The following ANO3 variants were observed in gnomAD, a reference collection of about 807,000 sequenced individuals.
ANO3 encodes anoctamin-3.
Under a neutral mutation model 144.8 loss-of-function variants are expected in ANO3, and 99 were observed. That is an observed-to-expected ratio of 0.68 (90% CI 0.58 to 0.81). The LOEUF (loss-of-function observed/expected upper bound fraction) is 0.81. ANO3 is among the 30% of genes least tolerant of loss of function. ANO3 has a pLI of 0.00. For missense variants in ANO3, 905 were observed against 1,202.2 expected (o/e 0.75, Z 3.66); for synonymous variants, 414 against 392.6 (o/e 1.05, Z -0.64).
intron 24 of ANO3, among the ~76,000 whole-genome samples, chr11:26,652,817 G>A (rs1318620481): frequency 1.3e-5 from 2 of 152,208 alleles, no homozygotes; most frequent in East Asian, 1.9e-4. Flanking sequence ...CCATGGCTCC[G>A]TTGAGATGTC....
chr11:26,330,370 T>A (rs1050516063), upstream of ANO3, among the ~76,000 whole-genome samples: 1 of 152,176 alleles, frequency 6.6e-6, no homozygotes, highest in Non-Finnish European at 1.5e-5. Flanking sequence ...ACGGAGACAG[T>A]CTCTGAACTG....
At chr11:26,461,665 A>C (rs1859399848) in intron 3 of ANO3, among the ~76,000 whole-genome samples, 1 of 152,074 alleles carries the variant, frequency 6.6e-6, no homozygotes, top group African/African-American at 2.4e-5. Flanking sequence ...AACTTACCTA[A>C]ATATGGGGGA....
intron 18 of ANO3, among the ~76,000 whole-genome samples, chr11:26,626,018 AT>A (rs1180759207): frequency 2.0e-5 from 3 of 152,150 alleles, no homozygotes; most frequent in Admixed American, 6.5e-5. Flanking sequence ...GCCCCTTTGA[AT>A]TTTGAAGGAG....
At chr11:26,264,117 G>A (rs1299316805) in intron 1 of ANO3, among the ~76,000 whole-genome samples, 1 of 152,204 alleles carries the variant, frequency 6.6e-6, no homozygotes, top group Non-Finnish European at 1.5e-5. Flanking sequence ...CATGTGGGCT[G>A]AAGTGGTAAG....
chr11:26,536,539 A>C (rs181599059), intron 9 of ANO3, among the ~76,000 whole-genome samples: 146 of 152,086 alleles, frequency 9.6e-4, no homozygotes, highest in Non-Finnish European at 1.5e-3. Context: ...ATATATATGT[A>C]TATAAATTTA....
At chr11:26,424,076 T>C (rs1857841722) in intron 1 of ANO3, among the ~76,000 whole-genome samples, 2 of 152,090 alleles carry the variant, frequency 1.3e-5, no homozygotes, top group South Asian at 4.1e-4. Context: ...AATTAAGTAA[T>C]TAACCTCCCA....
chr11:26,273,415 A>G (rs1306373483), intron 1 of ANO3, among the ~76,000 whole-genome samples: 1 of 151,952 alleles, frequency 6.6e-6, no homozygotes. Context: ...AGAATTGTCA[A>G]TGCCATGAAA....
At chr11:26,644,279 A>T (rs140404315) in intron 23 of ANO3, among the ~76,000 whole-genome samples, 1 of 152,240 alleles carries the variant, frequency 6.6e-6, no homozygotes, top group Non-Finnish European at 1.5e-5. Context: ...ATACCTTTCC[A>T]TGTTAATAGA....
At chr11:26,263,638 G>A (rs969663085) in intron 1 of ANO3, among the ~76,000 whole-genome samples, 12 of 152,274 alleles carry the variant, frequency 7.9e-5, no homozygotes, top group Middle Eastern at 3.4e-3. Context: ...CCTGACTAAG[G>A]ACTACCTAAG....
At chr11:26,462,994 T>C (rs766348863) in intron 3 of ANO3, 36 bp from the exon 4 acceptor site, 31 of 1,118,954 alleles carry the variant, frequency 2.8e-5, no homozygotes, top group Middle Eastern at 2.1e-4. Flanking sequence ...AGAAAAACTA[T>C]AGAAATGGAT....
intron 20 of ANO3, 75 bp from the exon 21 acceptor site, chr11:26,639,069 C>A (rs1380474851): frequency 1.0e-6 from 1 of 996,976 alleles, no homozygotes; most frequent in South Asian, 1.4e-5. Context: ...ATTTGCTGTA[C>A]AATTTAATGG....
chr11:26,260,502 AAG>A lies in ANO3; in HGVS notation c.155-49139_155-49138del, dbSNP rs565699320. Among the ~76,000 whole-genome samples, 603 of 152,284 alleles carry A rather than the reference AAG, an allele frequency of 4.0e-3. 2 individuals carry two copies. Among genetic ancestry groups the A allele is most frequent in the African/African-American group, 0.014 (572 of 41,538 alleles). ...ACAATAAGCGAACAGAATCTCAAGAAAGAGATATCACCGCATGGAACAGTCCT... is the reference window on the plus strand; with the variant it reads ...ACAATAAGCGAACAGAATCTCAAGAAAGATATCACCGCATGGAACAGTCCT... On this transcript the variant is annotated intron_variant, in intron 1 of 27. Transcript: ENST00000672621.
At chr11:26,543,428 G>A (rs1426873914) in intron 11 of ANO3, among the ~76,000 whole-genome samples, 1 of 150,752 alleles carries the variant, frequency 6.6e-6, no homozygotes, top group Non-Finnish European at 1.5e-5. Flanking sequence ...GAGACACAGA[G>A]GGTAAACATC....
chr11:26,460,196 T>C lies in ANO3; in HGVS notation c.314-2834T>C, dbSNP rs569882090. On this transcript the variant is annotated intron_variant, in intron 3 of 26. Coordinates refer to ENST00000256737, the MANE Select transcript of ANO3 (RefSeq NM_031418.4). The stretch of plus-strand genomic sequence containing the variant: ...TTATTTGTTTTCTTAGTTAATTTAC[T>C]TCAATTTTTCTACTTCTGTTATATA... The C allele has an allele frequency of 2.2e-4, 81 of 371,888 alleles. 1 individual carries two copies. In the Middle Eastern group the frequency reaches 9.3e-3, roughly 43 times the overall value. The allele number at this position is 371,888 out of a possible 1,614,324, so 23.0% of individuals were successfully genotyped here.
chr11:26,366,059 T>C (rs1328232200), intron 1 of ANO3, among the ~76,000 whole-genome samples: 1 of 150,442 alleles, frequency 6.6e-6, no homozygotes, highest in Non-Finnish European at 1.5e-5. Context: ...GTTTGTTACA[T>C]ATGTATACAT....
intron 24 of ANO3, among the ~76,000 whole-genome samples, chr11:26,654,184 A>G (rs1853615397): frequency 6.6e-6 from 1 of 152,268 alleles, no homozygotes; most frequent in South Asian, 2.1e-4. Context: ...TCAATTTATC[A>G]GTTACCATTT....
chr11:26,653,785 T>C (rs532359104), intron 24 of ANO3, among the ~76,000 whole-genome samples: 5 of 152,190 alleles, frequency 3.3e-5, no homozygotes, highest in South Asian at 2.1e-4. Context: ...TAAAAAAGTC[T>C]ACCCTAAGGA....
At chr11:26,565,426 A>G (rs540419628) in intron 14 of ANO3, 1 of 1,613,428 alleles carries the variant, frequency 6.2e-7, no homozygotes, top group Admixed American at 1.7e-5. Flanking sequence ...TTTTCTGAAG[A>G]CAGAGCAGGT....
At chr11:26,658,843 A>G (rs1485450784) in intron 26 of ANO3, among the ~76,000 whole-genome samples, 1 of 152,172 alleles carries the variant, frequency 6.6e-6, no homozygotes, top group African/African-American at 2.4e-5. Context: ...CTCTTGGGAC[A>G]CATATAATAA....
Sources: gnomAD v4.1 joint callset for allele counts (sites outside exome capture counted in the v4.1 genomes callset) on GRCh38, gnomAD v4.1.1 for gene constraint, MANE v1.5 for transcripts, NCBI Gene and HGNC (gene_info 2026-07-23, HGNC 2026-07-21) for gene names.